CDH13: variants seen among roughly 807,000 people sequenced by gnomAD.
The protein encoded by CDH13 is cadherin 13, also known as cadherin-13.
CDH13 carries 24 observed loss-of-function variants against 63.8 expected under a neutral mutation model. The ratio of observed to expected loss-of-function variants is 0.38; its 90% CI spans 0.27 to 0.53. The LOEUF (loss-of-function observed/expected upper bound fraction) is 0.53. CDH13 is among the 20% of genes least tolerant of loss of function. CDH13 has a pLI of 0.85. For missense variants in CDH13, 1,049 were observed against 903.1 expected (o/e 1.16, Z -2.07); for synonymous variants, 503 against 355.3 (o/e 1.42, Z -4.67).
At chr16:83,410,035 AGT>A (rs1351490926) in intron 6 of CDH13, among the ~76,000 whole-genome samples, 1 of 152,166 alleles carries the variant, frequency 6.6e-6, no homozygotes, top group Admixed American at 6.5e-5. Flanking sequence ...TGACACTGGG[AGT>A]GTGGGTGAAC....
chr16:83,153,313 G>A (rs1033236412), intron 4 of CDH13, among the ~76,000 whole-genome samples: 2 of 152,050 alleles, frequency 1.3e-5, no homozygotes, highest in African/African-American at 4.8e-5. Flanking sequence ...ATGGGCCAGT[G>A]TCTCTATCTG....
intron 8 of CDH13, among the ~76,000 whole-genome samples, chr16:83,648,259 A>C (rs913231928): frequency 1.3e-5 from 2 of 152,184 alleles, no homozygotes; most frequent in Non-Finnish European, 2.9e-5. Flanking sequence ...TTTTACATGC[A>C]AGAACAAGCC....
At chr16:82,629,096 G>T (rs1907700010) in intron 1 of CDH13, among the ~76,000 whole-genome samples, 1 of 152,222 alleles carries the variant, frequency 6.6e-6, no homozygotes, top group Non-Finnish European at 1.5e-5. Flanking sequence ...CTTGCCCAAA[G>T]TTATGCCTCC....
At chr16:83,500,712 A>G (rs1456690197) in intron 7 of CDH13, among the ~76,000 whole-genome samples, 1 of 149,290 alleles carries the variant, frequency 6.7e-6, no homozygotes, top group Non-Finnish European at 1.5e-5. Flanking sequence ...AGCTGGGATT[A>G]CAGGAAAGGC....
intron 2 of CDH13, among the ~76,000 whole-genome samples, chr16:83,014,319 T>TAAAAA (rs34322579): frequency 4.6e-4 from 31 of 67,698 alleles, no homozygotes; most frequent in Admixed American, 1.2e-3. Context: ...CCCAAATCGA[T>TAAAAA]AAAAAAAAAA....
chr16:83,058,704 G>A (rs970202288), intron 3 of CDH13, among the ~76,000 whole-genome samples: 1 of 152,156 alleles, frequency 6.6e-6, no homozygotes, highest in Admixed American at 6.5e-5. Flanking sequence ...AAAGAAAACA[G>A]AAGAGTCTTA....
intron 2 of CDH13, among the ~76,000 whole-genome samples, chr16:82,934,685 C>T (rs930960232): frequency 1.3e-5 from 2 of 152,064 alleles, no homozygotes; most frequent in African/African-American, 4.8e-5. Flanking sequence ...CACCAGATAC[C>T]CTACATCATC....
At chr16:83,520,199 G>C (rs1350301810) in intron 7 of CDH13, among the ~76,000 whole-genome samples, 1 of 152,134 alleles carries the variant, frequency 6.6e-6, no homozygotes, top group Non-Finnish European at 1.5e-5. Flanking sequence ...GAGGTAAACA[G>C]TGATGAAAAA....
At chr16:83,426,118 C>A (rs527410500) in intron 6 of CDH13, among the ~76,000 whole-genome samples, 1 of 152,018 alleles carries the variant, frequency 6.6e-6, no homozygotes, top group South Asian at 2.1e-4. Context: ...TTGGAAGAAC[C>A]TTTCTTCTTT....
intron 2 of CDH13, among the ~76,000 whole-genome samples, chr16:82,960,530 G>C (rs567207689): frequency 6.6e-6 from 1 of 152,314 alleles, no homozygotes; most frequent in African/African-American, 2.4e-5. Flanking sequence ...AAATATGCCC[G>C]ATGCAAAGCG....
chr16:83,506,250 C>G (rs2074391512), intron 7 of CDH13, among the ~76,000 whole-genome samples: 1 of 152,132 alleles, frequency 6.6e-6, no homozygotes, highest in African/African-American at 2.4e-5. Context: ...TCCTCTGTAT[C>G]CTCTCAAAGA....
chr16:83,441,119 G>T (rs1464229545), intron 6 of CDH13, among the ~76,000 whole-genome samples: 1 of 152,166 alleles, frequency 6.6e-6, no homozygotes, highest in African/African-American at 2.4e-5. Context: ...GAAATGTTTT[G>T]AATAAGAAAA....
At chr16:83,545,356 T>G (rs1007488569) in intron 7 of CDH13, among the ~76,000 whole-genome samples, 3 of 152,204 alleles carry the variant, frequency 2.0e-5, no homozygotes, top group Non-Finnish European at 4.4e-5. Context: ...CAAATTATGT[T>G]CCTCTCTCCA....
At chr16:83,629,297 T>C (rs1910579670) in intron 8 of CDH13, among the ~76,000 whole-genome samples, 1 of 152,224 alleles carries the variant, frequency 6.6e-6, no homozygotes, top group Non-Finnish European at 1.5e-5. Context: ...TATTTTATGG[T>C]CAAGAGGTTG....
chr16:83,190,067 T>C (rs1348625995), intron 4 of CDH13, among the ~76,000 whole-genome samples: 1 of 152,184 alleles, frequency 6.6e-6, no homozygotes, highest in Non-Finnish European at 1.5e-5. Context: ...CTTTATAAAG[T>C]ACTAAGTCTT....
chr16:83,250,708 G>C (rs1905423911), intron 5 of CDH13, among the ~76,000 whole-genome samples: 1 of 152,158 alleles, frequency 6.6e-6, no homozygotes, highest in South Asian at 2.1e-4. Context: ...AGGAAAGCAG[G>C]ACCCAGATGA....
At chr16:82,749,258 GCC>G (rs894625090) in intron 1 of CDH13, among the ~76,000 whole-genome samples, 8 of 152,126 alleles carry the variant, frequency 5.3e-5, no homozygotes, top group Admixed American at 3.3e-4. Flanking sequence ...TGTACCTAAA[GCC>G]CATACCTTGA....
At chr16:82,756,683 C>T (rs1462014234) in intron 1 of CDH13, among the ~76,000 whole-genome samples, 3 of 152,004 alleles carry the variant, frequency 2.0e-5, no homozygotes, top group African/African-American at 4.8e-5. Flanking sequence ...TCTCCTTCCT[C>T]GTTAGTATTT....
chr16:83,081,108 C>T (rs186857278), intron 3 of CDH13, among the ~76,000 whole-genome samples: 407 of 151,612 alleles, frequency 2.7e-3, no homozygotes, highest in African/African-American at 9.3e-3. Flanking sequence ...CTCGAACTCC[C>T]GACGTCAGGT....
Sources: allele counts gnomAD v4.1 joint callset (sites outside exome capture counted in the v4.1 genomes callset), GRCh38; gene constraint gnomAD v4.1.1; transcripts MANE v1.5; gene names NCBI Gene and HGNC (gene_info 2026-07-23, HGNC 2026-07-21).